The following CNTN1 variants were observed in gnomAD, a reference collection of about 807,000 sequenced individuals.
CNTN1 encodes the protein contactin 1.
CNTN1 carries 38 observed loss-of-function variants against 126.4 expected under a neutral mutation model. The observed-to-expected ratio is 0.30, with a 90% CI of 0.23 to 0.39. CNTN1 has a LOEUF of 0.39. Among genes scored for constraint, CNTN1 ranks in the 10% least tolerant of loss-of-function variants. CNTN1 has a pLI of 1.00. For synonymous variants in CNTN1, 413 were observed against 422.6 expected, an observed-to-expected ratio of 0.98 and a Z score of 0.28; for missense variants, 1,009 against 1,248.4, an observed-to-expected ratio of 0.81 and a Z score of 2.89.
intron 1 of CNTN1, among the ~76,000 whole-genome samples, chr12:40,807,922 C>T (rs1017279995): frequency 2.6e-5 from 4 of 152,146 alleles, no homozygotes; most frequent in Non-Finnish European, 4.4e-5. Context: ...TGGTTCAAAG[C>T]ATATTTATAG....
intron 12 of CNTN1, among the ~76,000 whole-genome samples, chr12:40,943,062 A>G (rs1449627178): frequency 6.6e-6 from 1 of 152,152 alleles, no homozygotes; most frequent in Admixed American, 6.6e-5. Context: ...CCATCCCCTG[A>G]GGAAGAGGCT....
At chr12:40,916,001 A>G (rs1224163177) in intron 3 of CNTN1, among the ~76,000 whole-genome samples, 2 of 152,116 alleles carry the variant, frequency 1.3e-5, no homozygotes, top group Non-Finnish European at 2.9e-5. Context: ...AGCCTTCTCC[A>G]TTGGTAATAA....
chr12:40,868,495 C>G (rs1943375958), intron 1 of CNTN1, among the ~76,000 whole-genome samples: 3 of 152,130 alleles, frequency 2.0e-5, no homozygotes, highest in Non-Finnish European at 2.9e-5. Flanking sequence ...TCTATAAAGT[C>G]TACAAAAGGG....
chr12:41,017,961 C>A (rs1158047960), intron 19 of CNTN1, among the ~76,000 whole-genome samples: 2 of 151,838 alleles, frequency 1.3e-5, no homozygotes, highest in Non-Finnish European at 2.9e-5. Context: ...ATTGGTGGCA[C>A]ATGCCTGTAA....
chr12:40,893,195 C>A (rs1592215909), intron 1 of CNTN1, among the ~76,000 whole-genome samples: 1 of 151,866 alleles, frequency 6.6e-6, no homozygotes, highest in African/African-American at 2.4e-5. Context: ...TATCACTCTG[C>A]ATAGTCATGT....
intron 23 of CNTN1, among the ~76,000 whole-genome samples, chr12:41,042,604 C>A (rs985349413): frequency 2.6e-5 from 4 of 152,044 alleles, no homozygotes; most frequent in Admixed American, 2.6e-4. Flanking sequence ...GGTGCCATCC[C>A]CCTCAAGCTA....
At chr12:40,723,173 A>G (rs981624279) in intron 1 of CNTN1, among the ~76,000 whole-genome samples, 3 of 152,176 alleles carry the variant, frequency 2.0e-5, no homozygotes, top group South Asian at 2.1e-4. Context: ...CTTATCTGGA[A>G]GCTGTTCCAT....
intron 1 of CNTN1, among the ~76,000 whole-genome samples, chr12:40,869,252 C>G (rs561513009): frequency 6.7e-6 from 1 of 150,094 alleles, no homozygotes; most frequent in African/African-American, 2.4e-5. Context: ...TGACAGGATA[C>G]TAGATCCATC....
At position 40,874,284 on chromosome 12, in the gene CNTN1, G is replaced by A. The variant is rs780767752; in HGVS notation, c.-76-34073G>A. 1.3e-4 allele frequency among the ~76,000 whole-genome samples: 19 copies of A among 151,830 alleles called. No homozygotes were observed. In the East Asian group the frequency reaches 1.7e-3, roughly 14 times the overall value. ...TATACAACCTAGTAAATACAAATACGTATTAGTTATCATTATTTTTATTAG... is the reference window on the plus strand; with the variant it reads ...TATACAACCTAGTAAATACAAATACATATTAGTTATCATTATTTTTATTAG... On this transcript the variant is annotated intron_variant, in intron 1 of 23. Coordinates refer to ENST00000551295, the MANE Select transcript of CNTN1 (RefSeq NM_001843.4).
At chr12:40,887,805 G>A (rs548321694) in intron 1 of CNTN1, among the ~76,000 whole-genome samples, 63 of 152,072 alleles carry the variant, frequency 4.1e-4, no homozygotes, top group Middle Eastern at 3.4e-3. Context: ...AAAATGTGGC[G>A]CGTATACACC....
chr12:40,972,449 G>C (rs1014449561), intron 15 of CNTN1: 1 of 982,652 alleles, frequency 1.0e-6, no homozygotes, highest in Non-Finnish European at 1.2e-6. Flanking sequence ...TTGTGTTTAG[G>C]TATGAGTTTC....
chr12:41,071,581 A>G lies in CNTN1; in HGVS notation c.*1546A>G, dbSNP rs1318882879. 6.6e-6 allele frequency: 1 copy of G among 152,188 alleles called. No homozygotes were observed. Among genetic ancestry groups the G allele is most frequent in the Non-Finnish European group, 1.5e-5 (1 of 68,014 alleles). 9.4% of individuals were successfully genotyped at this position (152,188 alleles called of 1,614,324 possible). ...CTTTAATTTGTATAATTTTTGTACT[A>G]TATATCGATGTGTAAATGTTTAGAG... On this transcript the variant is annotated 3_prime_UTR_variant, in exon 24 of 24. Transcript: ENST00000551295.
At chr12:40,969,777 T>C (rs1463664957) in intron 15 of CNTN1, among the ~76,000 whole-genome samples, 3 of 152,208 alleles carry the variant, frequency 2.0e-5, no homozygotes, top group Non-Finnish European at 4.4e-5. Context: ...GGGATGCAAG[T>C]GAGTGAGAGT....
chr12:40,998,970 CTTTATAATT>C (rs1948287363), intron 17 of CNTN1, among the ~76,000 whole-genome samples: 1 of 152,186 alleles, frequency 6.6e-6, no homozygotes, highest in South Asian at 2.1e-4. Context: ...TCTTCATATA[CTTTATAATT>C]TTTATAATTT....
chr12:41,068,593 A>G (rs547709670), intron 23 of CNTN1, among the ~76,000 whole-genome samples: 114 of 152,254 alleles, frequency 7.5e-4, no homozygotes, highest in Admixed American at 1.2e-3. Flanking sequence ...TATAGGGAAC[A>G]TGAATGTGCT....
At position 40,937,595 on chromosome 12, in the gene CNTN1, A is replaced by G. The variant is rs1555184378; in HGVS notation, c.1136A>G (p.Tyr379Cys). 2 of 1,609,494 alleles carry G rather than the reference A, an allele frequency of 1.2e-6. No homozygotes were observed. The highest frequency in any genetic ancestry group is 1.7e-6 in the Non-Finnish European group (2 of 1,175,932). The change falls in exon 11 of 24, where the codon TAT becomes TGT. Residue 379 changes from tyrosine (Y) to cysteine (C), a missense_variant. Tyr to Cys is a radical substitution (Grantham distance 194). Coordinates refer to ENST00000551295, the MANE Select transcript of CNTN1 (RefSeq NM_001843.4). ...YAYHKGELRL[Y>C]DVTFENAGMY... The stretch of plus-strand genomic sequence containing the variant: ...TATCATAAAGGGGAATTAAGACTGT[A>G]TGATGTGACTTTTGAAAATGCCGGA...
intron 1 of CNTN1, among the ~76,000 whole-genome samples, chr12:40,772,096 C>T (rs1939360955): frequency 6.6e-6 from 1 of 152,020 alleles, no homozygotes; most frequent in African/African-American, 2.4e-5. Context: ...GGCTTCACCT[C>T]CAACCCTTCA....
intron 1 of CNTN1, among the ~76,000 whole-genome samples, chr12:40,906,997 T>G (rs1003922061): frequency 1.3e-5 from 2 of 152,168 alleles, no homozygotes; most frequent in South Asian, 4.1e-4. Flanking sequence ...TCTTAATTTA[T>G]GTTTTCATTC....
chr12:40,913,890 T>C (rs1487154636), intron 3 of CNTN1, among the ~76,000 whole-genome samples: 1 of 152,192 alleles, frequency 6.6e-6, no homozygotes. Flanking sequence ...TGTACTTATG[T>C]CTGTAATAGA....
Sources: gnomAD v4.1 joint callset for allele counts (sites outside exome capture counted in the v4.1 genomes callset) on GRCh38, gnomAD v4.1.1 for gene constraint, MANE v1.5 for transcripts, NCBI Gene and HGNC (gene_info 2026-07-23, HGNC 2026-07-21) for gene names.